Variants in MYH3 observed in about 807,000 individuals in gnomAD.
MYH3 encodes myosin heavy chain 3, also known as myosin-3.
Under a neutral mutation model 238.0 loss-of-function variants are expected in MYH3, and 130 were observed. The ratio of observed to expected loss-of-function variants is 0.55; its 90% CI spans 0.47 to 0.63. The LOEUF (loss-of-function observed/expected upper bound fraction) is 0.63, where lower values mean the gene tolerates loss of function less well. Ranked by LOEUF, MYH3 falls within the 30% of genes least tolerant of loss-of-function variation. MYH3 has a pLI of 0.00. For missense variants in MYH3, 1,853 were observed against 2,374.9 expected, an observed-to-expected ratio of 0.78 and a Z score of 4.57; for synonymous variants, 880 against 924.1, an observed-to-expected ratio of 0.95 and a Z score of 0.86.
the MYH3 span, chr17:10,677,886 G>C: frequency 6.6e-6 from 1 of 152,292 alleles, no homozygotes; most frequent in Non-Finnish European, 1.5e-5. Flanking sequence ...GGAGGCCGAG[G>C]CGGCGGATCA....
chr17:10,649,547 G>T, intron 7 of MYH3, 30 bp downstream of exon 7: 1 of 1,565,654 alleles, frequency 6.4e-7, no homozygotes, highest in Non-Finnish European at 8.8e-7. Context: ...AAAAGTGGAA[G>T]CAAAGCAAGC....
At chr17:10,665,206 G>T in the MYH3 span, among the ~76,000 whole-genome samples, 5 of 152,072 alleles carry the variant, frequency 3.3e-5, no homozygotes, top group Non-Finnish European at 7.4e-5. Context: ...GCAGTGGCAC[G>T]ATCTTGGCTC....
chr17:10,633,997 G>C lies in MYH3; in HGVS notation c.4522+20C>G, dbSNP rs1305351763. 1 of 1,612,670 alleles carries C rather than the reference G, an allele frequency of 6.2e-7. No individual in the cohort carries two copies. On this transcript the variant is annotated intron_variant, in intron 32 of 40. Transcript: ENST00000583535. ...TAGAGCATGAAAGGAGGAGGTTTCAGAGGGTTTCGAATAGCTTACGCTCTA... is the reference window on the plus strand; with the variant it reads ...TAGAGCATGAAAGGAGGAGGTTTCACAGGGTTTCGAATAGCTTACGCTCTA...
intron 36 of MYH3, 146 bp from the exon 37 acceptor site, chr17:10,630,604 C>CT: frequency 8.2e-7 from 1 of 1,224,740 alleles, no homozygotes; most frequent in Non-Finnish European, 1.2e-6. Flanking sequence ...AATCCCAGCA[C>CT]TTTGGGAGGC....
the MYH3 span, chr17:10,675,999 T>A: frequency 6.6e-6 from 1 of 152,162 alleles, no homozygotes. Flanking sequence ...TTACACTGAC[T>A]GGATATTTGA....
Position 10,635,792 on chromosome 17 carries a change from C to T in MYH3, c.3918G>A (p.Lys1306=). 1 of 1,614,190 alleles carries T rather than the reference C, an allele frequency of 6.2e-7. No homozygotes were observed. Among genetic ancestry groups the T allele is most frequent in the East Asian group, 2.2e-5 (1 of 44,884 alleles). Residue 1306 remains lysine (K), a synonymous_variant, in exon 29 of 41, where the codon AAG becomes AAA. Transcript: ENST00000583535. ...CTTCTGTTTGCTGGGTAAAGGCTTGCTTGCTCCTGGAAAGTTGGGATACTA... is the reference window on the plus strand; with the variant it reads ...CTTCTGTTTGCTGGGTAAAGGCTTGTTTGCTCCTGGAAAGTTGGGATACTA... ...ESIVSQLSRS[K]QAFTQQTEEL...
chr17:10,655,351 G>A (rs555299454), intron 2 of MYH3, among the ~76,000 whole-genome samples: 37 of 152,186 alleles, frequency 2.4e-4, no homozygotes, highest in Admixed American at 4.6e-4. Context: ...TTGAACTGGC[G>A]ATAAGGGGTT....
rs766750914 is a variant in MYH3 at position 10,631,943 on chromosome 17, C to T, written c.5030G>A (p.Arg1677His). The T allele has an allele frequency of 1.9e-5, 30 of 1,613,952 alleles. No homozygotes were observed. The highest frequency in any genetic ancestry group is 2.5e-5 in the Non-Finnish European group (29 of 1,180,042). Residue 1677 changes from arginine (R) to histidine (H), a missense_variant, in exon 35 of 41, where the codon CGC (arginine) becomes CAC (histidine). Around this residue, in one of 3 missense-constraint regions of MYH3, gnomAD observed 1,044 missense variants for 1,192.6 expected, o/e 0.88. Coordinates refer to ENST00000583535, the MANE Select transcript of MYH3 (RefSeq NM_002470.4). ...CTCGGCCTGCAGCAGGTTGGCTCTG[C>T]GCTCCACAATCGCCAGCTGCTCCTT... The part of the protein sequence containing the change: ...DLKEQLAIVE[R>H]RANLLQAEVE...
chr17:10,656,266 CTGTA>C (rs2074429061), intron 1 of MYH3, 118 bp from the exon 2 acceptor site: 1 of 152,320 alleles, frequency 6.6e-6, no homozygotes, highest in South Asian at 2.1e-4. Context: ...TGGCTCACGC[CTGTA>C]ATCCCAGCAC....
Position 10,646,035 on chromosome 17 carries a change from G to A in MYH3, c.899-3C>T. 1 of 1,611,262 alleles carries A rather than the reference G, an allele frequency of 6.2e-7. No homozygotes were observed. On this transcript the variant is annotated splice_region_variant and splice_polypyrimidine_tract_variant and intron_variant, in intron 10 of 40. Coordinates refer to ENST00000583535, the MANE Select transcript of MYH3 (RefSeq NM_002470.4). ...GTTGGTCGTAATAAGCAGCAGCTCT[G>A]AAATGACAAATAGTTCCAGGAGGTT...
At position 10,635,300 on chromosome 17, in the gene MYH3, G is replaced by T. The variant is rs1202206900; in HGVS notation, c.4172+67C>A. ...GACACATGAGATGGGGAAACGCCTA[G>T]TAATAAAAATAAATTCATCGAATTC... On this transcript the variant is annotated intron_variant, in intron 30 of 40. Transcript: ENST00000583535. The T allele has an allele frequency of 1.7e-5, 28 of 1,612,062 alleles. 1 individual carries two copies. The South Asian group carries it at 3.0e-4, about 17-fold the overall frequency.
At chr17:10,652,589 C>T (rs1445917115) in intron 3 of MYH3, 26 bp from the exon 4 acceptor site, 4 of 834,648 alleles carry the variant, frequency 4.8e-6, no homozygotes, top group African/African-American at 1.8e-5. Flanking sequence ...CACAGTGCTT[C>T]ACTAAGATGG....
In MYH3 at chr17:10,642,064, G is replaced by A. The variant is rs2074278118; in HGVS notation, c.1959+176C>T. Among the ~76,000 whole-genome samples, 1 of 152,046 alleles carries A rather than the reference G, an allele frequency of 6.6e-6. No homozygotes were observed. The highest frequency in any genetic ancestry group is 2.4e-5 in the African/African-American group (1 of 41,424). On this transcript the variant is annotated intron_variant, in intron 17 of 40. Transcript: ENST00000583535. This position sits in a 1 kb window ranked among gnomAD's most constrained non-coding sequence, Gnocchi z 5.4. ...ATAAGATAATAGTGATACTCTCATC[G>A]CACATTGGTTAGACCGTATTTATTA... is the stretch of plus-strand genomic sequence containing the variant.
At chr17:10,663,348 G>A in the MYH3 span, among the ~76,000 whole-genome samples, 1 of 152,186 alleles carries the variant, frequency 6.6e-6, no homozygotes, top group Non-Finnish European at 1.5e-5. Flanking sequence ...TCGAATGAGG[G>A]AGAAAGAATG....
rs756100165 is a variant in MYH3 at position 10,640,322 on chromosome 17, C to G, written c.2426+11G>C. The stretch of plus-strand genomic sequence containing the variant: ...CAAAGAGCTCATGTCTGAACAAAGA[C>G]CCTGCTGGACCTCCTCTGCACCATC... On this transcript the variant is annotated intron_variant, in intron 21 of 40. Transcript: ENST00000583535. The G allele has an allele frequency of 1.2e-6, 2 of 1,614,228 alleles. No homozygotes were observed. Among genetic ancestry groups the G allele is most frequent in the Non-Finnish European group, 1.7e-6 (2 of 1,180,038 alleles).
Position 10,631,822 on chromosome 17 carries a change from C to T in MYH3, c.5151G>A (p.Leu1717=). 6.2e-7 allele frequency: 1 copy of T among 1,614,162 alleles called. No homozygotes were observed. The highest frequency in any genetic ancestry group is 8.5e-7 in the Non-Finnish European group (1 of 1,180,020). ...LLDSNERVQL[L]HTQNTSLIHT... is the part of the protein sequence containing the mutation. ...CTCTCCCTCCCCTCACCTGGGTATG[C>T]AGCAGCTGCACCCTCTCGTTGGAGT... The change falls in exon 35 of 41, where the codon CTG becomes CTA. Residue 1717 remains leucine, a synonymous_variant. Coordinates refer to ENST00000583535, the MANE Select transcript of MYH3 (RefSeq NM_002470.4).
rs1360973287 is a variant in MYH3 at position 10,635,406 on chromosome 17, G to T, written c.4133C>A (p.Thr1378Lys). Residue 1378 changes from threonine to lysine, a missense_variant, in exon 30 of 41, where the codon ACG becomes AAG. Thr to Lys is a moderately conservative substitution (Grantham distance 78, BLOSUM62 -1). This residue lies in a region of MYH3 where 1,044 missense variants were observed against 1,192.6 expected (regional missense o/e 0.88). Coordinates refer to ENST00000583535, the MANE Select transcript of MYH3 (RefSeq NM_002470.4). ...EVAQWRTKYE[T>K]DAIQRTEELE... ...CTCTTCTGTGCGCTGGATGGCGTCC[G>T]TCTCGTATTTGGTTCTCCACTGGGC... The T allele has an allele frequency of 6.2e-7, 1 of 1,614,020 alleles. No individual in the cohort carries two copies. The highest frequency in any genetic ancestry group is 2.2e-5 in the East Asian group (1 of 44,884).
chr17:10,674,603 A>C, the MYH3 span: 1 of 157,220 alleles, frequency 6.4e-6, no homozygotes, highest in East Asian at 1.9e-4. Context: ...ACAAACTTGT[A>C]GATAATTCAC....
rs568164822 is a variant in MYH3, at chr17:10,638,181, A to G, written c.3591T>C (p.His1197=). 3 of 1,613,714 alleles carry G rather than the reference A, an allele frequency of 1.9e-6. No homozygotes were observed. Among genetic ancestry groups the G allele is most frequent in the East Asian group, 2.2e-5 (1 of 44,826 alleles). ...CCCCAAGCTCGGCCACACTATCCGCATGCTTCTTCCTCAGCGCGGCCACCA... is the reference window on the plus strand; with the variant it reads ...CCCCAAGCTCGGCCACACTATCCGCGTGCTTCTTCCTCAGCGCGGCCACCA... ...EAMVAALRKK[H]ADSVAELGEQ... is the part of the protein sequence containing the mutation. The change falls in exon 27 of 41, where the codon CAT becomes CAC. Residue 1197 remains histidine (H), a synonymous_variant. Transcript: ENST00000583535.
Sources: gnomAD v4.1 joint callset for allele counts (sites outside exome capture counted in the v4.1 genomes callset) on GRCh38, gnomAD v4.1.1 for gene constraint, gnomAD v4.1.1 regional missense constraint, Gnocchi (gnomAD v3.1) non-coding constraint, MANE v1.5 for transcripts, NCBI Gene and HGNC (gene_info 2026-07-23, HGNC 2026-07-21) for gene names.